The following TRAPPC9 variants were observed in gnomAD, a reference collection of about 807,000 sequenced individuals.
TRAPPC9 encodes IKK2 binding protein.
A neutral mutation model predicts 124.0 loss-of-function variants in TRAPPC9; 83 were observed. The observed-to-expected ratio is 0.67, with a 90% CI of 0.56 to 0.80. TRAPPC9 has a LOEUF of 0.80. Ranked by LOEUF, TRAPPC9 falls within the 30% of genes least tolerant of loss-of-function variation. TRAPPC9 has a pLI of 0.00. For missense variants in TRAPPC9, 1,302 were observed against 1,508.3 expected, an observed-to-expected ratio of 0.86 and a Z score of 2.27; for synonymous variants, 638 against 617.5, an observed-to-expected ratio of 1.03 and a Z score of -0.49.
intron 11 of TRAPPC9, among the ~76,000 whole-genome samples, chr8:140,292,259 A>G (rs543386567): frequency 1.3e-5 from 2 of 152,310 alleles, no homozygotes; most frequent in Non-Finnish European, 2.9e-5. Flanking sequence ...ATTACTCTGC[A>G]TAAGGACCTC....
At chr8:140,016,895 T>G (rs537950561) in intron 18 of TRAPPC9, among the ~76,000 whole-genome samples, 1 of 152,338 alleles carries the variant, frequency 6.6e-6, no homozygotes, top group South Asian at 2.1e-4. Context: ...CTGCACCAGT[T>G]TATACTCCCA....
At chr8:139,942,798 C>T (rs935634964) in intron 19 of TRAPPC9, among the ~76,000 whole-genome samples, 4 of 152,138 alleles carry the variant, frequency 2.6e-5, no homozygotes, top group Admixed American at 1.3e-4. Flanking sequence ...GTCAGCACCA[C>T]GTGGAAACGA....
chr8:140,240,651 C>CA (rs1204631688), intron 16 of TRAPPC9, among the ~76,000 whole-genome samples: 4 of 152,224 alleles, frequency 2.6e-5, no homozygotes, highest in African/African-American at 9.7e-5. Flanking sequence ...CAGCTCACTA[C>CA]AGCCTGGAAC....
intron 5 of TRAPPC9, among the ~76,000 whole-genome samples, chr8:140,410,293 T>C (rs2069658089): frequency 6.6e-6 from 1 of 152,012 alleles, no homozygotes; most frequent in African/African-American, 2.4e-5. Context: ...CCCTGCCCTT[T>C]AGGAGGCTGC....
Position 139,788,653 on chromosome 8 carries a change from G to A in TRAPPC9, c.3056-56451C>T, listed in dbSNP as rs766165408. 4.6e-4 allele frequency among the ~76,000 whole-genome samples: 70 copies of A among 152,220 alleles called. No homozygotes were observed. The highest frequency in any genetic ancestry group is 7.5e-4 in the Non-Finnish European group (51 of 68,002). ...TGTGAGATGCTGGCCCTGGGCACAC[G>A]CTTTGTTCTCCCACCTCCCTCCTGA... On this transcript the variant is annotated intron_variant, in intron 21 of 22. Transcript: ENST00000438773. The surrounding 1 kb of genome is among the most constrained non-coding windows in gnomAD (Gnocchi z 4.9).
chr8:140,457,011 T>C (rs1049965249), intron 1 of TRAPPC9, among the ~76,000 whole-genome samples: 5 of 152,252 alleles, frequency 3.3e-5, no homozygotes, highest in African/African-American at 9.6e-5. Context: ...CTGGGATAAG[T>C]TGGAGTTGAC....
intron 21 of TRAPPC9, among the ~76,000 whole-genome samples, chr8:139,760,726 C>T (rs528861253): frequency 3.9e-5 from 6 of 152,282 alleles, no homozygotes; most frequent in Admixed American, 3.3e-4. Flanking sequence ...TCACTTCTTA[C>T]GTGGATGGCG....
chr8:140,399,977 T>C (rs2069212997), intron 6 of TRAPPC9, among the ~76,000 whole-genome samples: 1 of 152,226 alleles, frequency 6.6e-6, no homozygotes, highest in Non-Finnish European at 1.5e-5. Flanking sequence ...TGGTAGTGAA[T>C]AAGTCTCATG....
At chr8:139,868,193 T>C (rs1828669996) in intron 21 of TRAPPC9, among the ~76,000 whole-genome samples, 1 of 152,124 alleles carries the variant, frequency 6.6e-6, no homozygotes, top group African/African-American at 2.4e-5. Context: ...ACCCTGTTTC[T>C]ACTAGAGATA....
At chr8:139,762,872 A>G (rs1042713842) in intron 21 of TRAPPC9, among the ~76,000 whole-genome samples, 14 of 152,188 alleles carry the variant, frequency 9.2e-5, no homozygotes, top group African/African-American at 3.1e-4. Context: ...AAGGAACATG[A>G]GGACCAAGTT....
At chr8:139,745,485 C>T (rs558774313) in intron 21 of TRAPPC9, among the ~76,000 whole-genome samples, 136 of 152,338 alleles carry the variant, frequency 8.9e-4, no homozygotes, top group African/African-American at 3.0e-3. Flanking sequence ...GCACTTGCAG[C>T]GGCTCCAGCT....
intron 16 of TRAPPC9, among the ~76,000 whole-genome samples, chr8:140,248,552 G>C (rs2064042758): frequency 6.6e-6 from 1 of 152,160 alleles, no homozygotes; most frequent in South Asian, 2.1e-4. Context: ...GGATACTCTG[G>C]TAACTGGTTT....
intron 17 of TRAPPC9, among the ~76,000 whole-genome samples, chr8:140,190,825 A>G (rs2062473735): frequency 6.6e-6 from 1 of 152,170 alleles, no homozygotes; most frequent in African/African-American, 2.4e-5. Context: ...CCTTTCAAAG[A>G]AAGAAGGTCA....
chr8:140,214,097 C>T (rs1020824134), intron 17 of TRAPPC9, among the ~76,000 whole-genome samples: 1 of 152,262 alleles, frequency 6.6e-6, no homozygotes, highest in Middle Eastern at 3.2e-3. Context: ...ACACGGCACA[C>T]AGTCCAACTC....
chr8:140,295,097 T>C (rs1022433941), intron 11 of TRAPPC9, among the ~76,000 whole-genome samples: 1 of 152,186 alleles, frequency 6.6e-6, no homozygotes, highest in Admixed American at 6.5e-5. Context: ...CTGTGCATGC[T>C]GTCATCTGTG....
At chr8:140,071,678 A>G (rs1433613024) in intron 17 of TRAPPC9, among the ~76,000 whole-genome samples, 2 of 152,144 alleles carry the variant, frequency 1.3e-5, no homozygotes, top group Non-Finnish European at 2.9e-5. Context: ...GGTTAAGTTG[A>G]TGACACATGC....
In TRAPPC9 at chr8:140,370,990, G is replaced by A. The variant is rs768603234; in HGVS notation, c.1325C>T (p.Ser442Leu). Reference protein sequence around the residue: ...LLETLPGYSLSLDPKDFSRGT... With the variant: ...LLETLPGYSLLLDPKDFSRGT... ...TCTGCTGAAATCTTTGGGATCCAGC[G>A]ACAGACTGTAGCCGGGCAGCGTTTC... Residue 442 changes from serine to leucine, a missense_variant, in exon 8 of 23, where the codon TCG becomes TTG. Around this residue, in one of 3 missense-constraint regions of TRAPPC9, gnomAD observed 657 missense variants for 811.2 expected, o/e 0.81. Transcript: ENST00000438773. 8 of 1,614,224 alleles carry A rather than the reference G, an allele frequency of 5.0e-6. No homozygotes were observed. The highest frequency in any genetic ancestry group is 1.1e-5 in the South Asian group (1 of 91,086).
intron 14 of TRAPPC9, 32 bp downstream of exon 14, chr8:140,283,857 C>A: frequency 6.2e-7 from 1 of 1,613,662 alleles, no homozygotes; most frequent in Non-Finnish European, 8.5e-7. Flanking sequence ...TGCCTCAGAG[C>A]CACTCTGCTC....
At chr8:140,208,080 G>T (rs1251341179) in intron 17 of TRAPPC9, among the ~76,000 whole-genome samples, 1 of 151,652 alleles carries the variant, frequency 6.6e-6, no homozygotes, top group African/African-American at 2.4e-5. Context: ...AACCCAGAAG[G>T]CAGAGGTTGC....
Sources: allele counts gnomAD v4.1 joint callset (sites outside exome capture counted in the v4.1 genomes callset), GRCh38; gene constraint gnomAD v4.1.1; regional missense constraint gnomAD v4.1.1; non-coding constraint Gnocchi (gnomAD v3.1); transcripts MANE v1.5; gene names NCBI Gene and HGNC (gene_info 2026-07-23, HGNC 2026-07-21).